The following CALN1 variants were observed in gnomAD, a reference collection of about 807,000 sequenced individuals.
The protein encoded by CALN1 is calcium-binding protein 8.
A neutral mutation model predicts 30.6 loss-of-function variants in CALN1; 17 were observed. That is an observed-to-expected ratio of 0.56 (90% confidence interval 0.38 to 0.83). CALN1 has a LOEUF of 0.83. Among genes scored for constraint, CALN1 ranks in the 40% least tolerant of loss-of-function variants. CALN1 has a pLI of 0.00. For missense variants in CALN1, 291 were observed against 354.9 expected, an observed-to-expected ratio of 0.82 and a Z score of 1.45; for synonymous variants, 156 against 131.4, an observed-to-expected ratio of 1.19 and a Z score of -1.28.
At chr7:72,208,409 T>C (rs1792050330) in intron 3 of CALN1, among the ~76,000 whole-genome samples, 1 of 152,242 alleles carries the variant, frequency 6.6e-6, no homozygotes, top group Admixed American at 6.5e-5. Context: ...GAGCAGAATG[T>C]ATTTAAAATG....
At chr7:72,275,530 T>G (rs1323946951) in intron 3 of CALN1, among the ~76,000 whole-genome samples, 4 of 152,060 alleles carry the variant, frequency 2.6e-5, no homozygotes, top group African/African-American at 9.7e-5. Flanking sequence ...TGGCAAAAAC[T>G]AAATAAATAA....
intron 5 of CALN1, among the ~76,000 whole-genome samples, chr7:71,964,665 A>C (rs1797442957): frequency 6.6e-6 from 1 of 152,122 alleles, no homozygotes; most frequent in African/African-American, 2.4e-5. Context: ...TGTCTCAAAA[A>C]AAAACCAAAC....
chr7:71,835,099 A>C (rs1789528369), intron 5 of CALN1, among the ~76,000 whole-genome samples: 1 of 152,150 alleles, frequency 6.6e-6, no homozygotes. Flanking sequence ...TTGCTCTCCC[A>C]ATGTGCTGGG....
At chr7:71,854,024 G>A (rs1584376349) in intron 5 of CALN1, among the ~76,000 whole-genome samples, 1 of 152,060 alleles carries the variant, frequency 6.6e-6, no homozygotes, top group Non-Finnish European at 1.5e-5. Flanking sequence ...ATGCTTTTGG[G>A]ACTATGATCA....
chr7:72,203,383 C>T (rs553932440), intron 3 of CALN1, among the ~76,000 whole-genome samples: 194 of 152,156 alleles, frequency 1.3e-3, no homozygotes, highest in Non-Finnish European at 2.3e-3. Context: ...TAAATTTACG[C>T]GAAACAATGA....
chr7:72,289,589 T>C (rs1241750629), intron 2 of CALN1, among the ~76,000 whole-genome samples: 1 of 152,118 alleles, frequency 6.6e-6, no homozygotes, highest in Non-Finnish European at 1.5e-5. Context: ...ATGGTACCAC[T>C]AAACATGGAT....
intron 2 of CALN1, among the ~76,000 whole-genome samples, chr7:72,312,464 T>C (rs923958180): frequency 2.6e-5 from 4 of 151,900 alleles, no homozygotes; most frequent in Non-Finnish European, 4.4e-5. Flanking sequence ...CACCCCATGT[T>C]ATACCTATAA....
intron 1 of CALN1, among the ~76,000 whole-genome samples, chr7:72,420,360 C>G (rs1372373910): frequency 3.9e-5 from 6 of 152,052 alleles, no homozygotes; most frequent in Non-Finnish European, 8.8e-5. Flanking sequence ...GCAACACTTC[C>G]TCTTGCAACC....
chr7:72,256,946 G>T (rs1795953151), intron 3 of CALN1, among the ~76,000 whole-genome samples: 1 of 152,174 alleles, frequency 6.6e-6, no homozygotes, highest in South Asian at 2.1e-4. Flanking sequence ...CAGGAGGTGG[G>T]TGATTATATT....
At chr7:72,169,009 T>C (rs755079408) in intron 3 of CALN1, among the ~76,000 whole-genome samples, 8 of 152,028 alleles carry the variant, frequency 5.3e-5, no homozygotes, top group East Asian at 3.9e-4. Flanking sequence ...TTTTACCATG[T>C]TGACCAGGCT....
intron 3 of CALN1, among the ~76,000 whole-genome samples, chr7:72,265,078 C>CCCAAAG (rs1796518580): frequency 6.6e-6 from 1 of 152,202 alleles, no homozygotes; most frequent in African/African-American, 2.4e-5. Context: ...TGCCTCACCT[C>CCCAAAG]CCAAAGTGCT....
chr7:72,356,581 A>G (rs185313641), intron 2 of CALN1, among the ~76,000 whole-genome samples: 27 of 152,120 alleles, frequency 1.8e-4, no homozygotes, highest in East Asian at 3.8e-4. Flanking sequence ...AAATTGTATA[A>G]TAAGTGCCAA....
Position 71,784,544 on chromosome 7 carries a change from G to C in CALN1, c.*3231C>G, listed in dbSNP as rs1792886005. ...GCTTTGTGGGTATCTGGAAAGGTGG[G>C]GCGCAGCTTCTTTGGGGATCAAGGG... On this transcript the variant is annotated 3_prime_UTR_variant, in exon 7 of 7. Coordinates refer to ENST00000395275, the MANE Select transcript of CALN1 (RefSeq NM_031468.4). 3 of 332,446 alleles carry C rather than the reference G, an allele frequency of 9.0e-6. No homozygotes were observed. Among genetic ancestry groups the C allele is most frequent in the Non-Finnish European group, 1.6e-5 (3 of 184,694 alleles). The allele number at this position is 332,446 out of a possible 1,614,324, so 20.6% of individuals were successfully genotyped here.
At chr7:72,022,418 G>A (rs1394300559) in intron 5 of CALN1, among the ~76,000 whole-genome samples, 1 of 152,134 alleles carries the variant, frequency 6.6e-6, no homozygotes, top group African/African-American at 2.4e-5. Flanking sequence ...TTTGAGACAG[G>A]GTCTTGCTCT....
intron 3 of CALN1, among the ~76,000 whole-genome samples, chr7:72,268,803 AC>A (rs1796764831): frequency 2.6e-5 from 4 of 151,512 alleles, no homozygotes; most frequent in East Asian, 1.9e-4. Context: ...CCACACACAC[AC>A]ACACACACAC....
chr7:72,125,238 C>A (rs1808662839), intron 3 of CALN1, among the ~76,000 whole-genome samples: 1 of 152,278 alleles, frequency 6.6e-6, no homozygotes, highest in East Asian at 1.9e-4. Context: ...TGGTCTCAAA[C>A]TCCTGGCCTC....
At chr7:71,895,675 G>A (rs1793496451) in intron 5 of CALN1, among the ~76,000 whole-genome samples, 1 of 152,094 alleles carries the variant, frequency 6.6e-6, no homozygotes. Context: ...AGAATGACAA[G>A]GTAATATACA....
At chr7:72,378,033 T>C (rs777639457) in intron 2 of CALN1, among the ~76,000 whole-genome samples, 41 of 152,100 alleles carry the variant, frequency 2.7e-4, no homozygotes, top group Non-Finnish European at 5.6e-4. Flanking sequence ...TTTTGATTAG[T>C]CTGTTGTTTG....
intron 5 of CALN1, among the ~76,000 whole-genome samples, chr7:71,933,519 G>C (rs891139811): frequency 7.9e-5 from 12 of 152,120 alleles, no homozygotes; most frequent in Admixed American, 2.6e-4. Context: ...GGCGCAAGAT[G>C]ATGAGCCCTG....
Sources: gnomAD v4.1 joint callset for allele counts (sites outside exome capture counted in the v4.1 genomes callset) on GRCh38, gnomAD v4.1.1 for gene constraint, MANE v1.5 for transcripts, NCBI Gene and HGNC (gene_info 2026-07-23, HGNC 2026-07-21) for gene names.